RHOT1: variants seen among roughly 807,000 people sequenced by gnomAD.
The protein encoded by RHOT1 is mitochondrial Rho GTPase 1.
Under a neutral mutation model 95.3 loss-of-function variants are expected in RHOT1, and 27 were observed. That is an observed-to-expected ratio of 0.28 (90% CI 0.21 to 0.39). The LOEUF is 0.39. Among genes scored for constraint, RHOT1 ranks in the 10% least tolerant of loss-of-function variants. The pLI is 1.00. For missense variants in RHOT1, 578 were observed against 786.7 expected (o/e 0.73, Z 3.17); for synonymous variants, 227 against 263.5 (o/e 0.86, Z 1.34).
chr17:32,201,565 CAAG>C (rs1238751823), intron 14 of RHOT1, among the ~76,000 whole-genome samples: 1 of 152,158 alleles, frequency 6.6e-6, no homozygotes, highest in Non-Finnish European at 1.5e-5. Flanking sequence ...AGCCCTAGCA[CAAG>C]AAGACAGCCT....
At chr17:32,173,539 C>T (rs1277970056) in intron 2 of RHOT1, among the ~76,000 whole-genome samples, 1 of 151,876 alleles carries the variant, frequency 6.6e-6, no homozygotes. Flanking sequence ...ATGGTGAAAT[C>T]GTGTCTCTAC....
At chr17:32,207,983 T>C (rs867800836) in intron 17 of RHOT1, 124 bp from the exon 18 acceptor site, 19 of 771,306 alleles carry the variant, frequency 2.5e-5, no homozygotes, top group Middle Eastern at 7.5e-4. Context: ...TGCCTTTTGG[T>C]TCACTTTTTC....
chr17:32,182,192 C>T (rs1567688458), intron 6 of RHOT1, among the ~76,000 whole-genome samples: 1 of 152,072 alleles, frequency 6.6e-6, no homozygotes, highest in Non-Finnish European at 1.5e-5. Flanking sequence ...CTGTTTTTCA[C>T]TATTGGAATG....
intron 18 of RHOT1, chr17:32,208,906 A>G (rs934899618): frequency 6.5e-6 from 1 of 154,848 alleles, no homozygotes; most frequent in African/African-American, 2.4e-5. Flanking sequence ...AACTGTGGTC[A>G]TCTCTGTAGT....
chr17:32,203,269 C>CTTCTTTTT (rs1485362280), intron 15 of RHOT1, among the ~76,000 whole-genome samples: 3 of 72,328 alleles, frequency 4.1e-5, no homozygotes, highest in African/African-American at 1.8e-4. Context: ...TCTTCTTCTT[C>CTTCTTTTT]TTTTTTTTTT....
intron 1 of RHOT1, among the ~76,000 whole-genome samples, chr17:32,149,625 A>ATGTGTG (rs1454201227): frequency 3.1e-4 from 27 of 88,326 alleles, no homozygotes; most frequent in South Asian, 2.2e-3. Context: ...ATATATATAT[A>ATGTGTG]TATATATATA....
At chr17:32,222,930 T>C (rs184687883) in intron 19 of RHOT1, 1 of 970,640 alleles carries the variant, frequency 1.0e-6, no homozygotes, top group Admixed American at 6.1e-5. Flanking sequence ...TTGGCCTCGT[T>C]GGAGTTTTTC....
chr17:32,216,569 C>G (rs2038489204), intron 19 of RHOT1, among the ~76,000 whole-genome samples: 1 of 152,048 alleles, frequency 6.6e-6, no homozygotes, highest in African/African-American at 2.4e-5. Context: ...ATTTTTTACC[C>G]TATTTATAAT....
chr17:32,201,500 A>G (rs1484278976), intron 14 of RHOT1, among the ~76,000 whole-genome samples: 2 of 152,230 alleles, frequency 1.3e-5, no homozygotes, highest in South Asian at 2.1e-4. Flanking sequence ...GGAACTGATC[A>G]TTTCAAGAGT....
chr17:32,175,308 G>A lies in RHOT1; in HGVS notation c.179-11G>A. Reference sequence around the variant, plus strand: ...CTGCAATATGAAACATTGACTTCCTGTCATTTGTAGAAGCAGAACAGAGTG... The same window carrying A: ...CTGCAATATGAAACATTGACTTCCTATCATTTGTAGAAGCAGAACAGAGTG... On this transcript the variant is annotated splice_polypyrimidine_tract_variant and intron_variant, in intron 3 of 19. Coordinates refer to ENST00000545287, the MANE Select transcript of RHOT1 (RefSeq NM_001033566.3). The A allele has an allele frequency of 6.2e-7, 1 of 1,612,230 alleles. No individual in the cohort carries two copies. Among genetic ancestry groups the A allele is most frequent in the Non-Finnish European group, 8.5e-7 (1 of 1,178,450 alleles).
intron 6 of RHOT1, among the ~76,000 whole-genome samples, chr17:32,176,738 A>G (rs565880077): frequency 1.3e-5 from 2 of 151,764 alleles, no homozygotes; most frequent in South Asian, 4.2e-4. Context: ...ATGCCTGGCT[A>G]ATTTTCGTAT....
intron 7 of RHOT1, 38 bp downstream of exon 7, chr17:32,182,903 T>A (rs779976122): frequency 7.7e-7 from 1 of 1,302,844 alleles, no homozygotes; most frequent in Non-Finnish European, 1.1e-6. Flanking sequence ...TTATTTTTAA[T>A]GAATTCTTAC....
At chr17:32,201,162 T>A (rs1598427339) in intron 14 of RHOT1, 106 bp downstream of exon 14, 1 of 608,284 alleles carries the variant, frequency 1.6e-6, no homozygotes, top group Non-Finnish European at 2.8e-6. Context: ...TAGTCTTCCA[T>A]CTACACTCTA....
chr17:32,168,156 A>G (rs1006074202), intron 1 of RHOT1, among the ~76,000 whole-genome samples: 3 of 152,166 alleles, frequency 2.0e-5, no homozygotes, highest in East Asian at 1.9e-4. Context: ...CTCACTGACA[A>G]TACACCTGGT....
Position 32,194,070 on chromosome 17 carries a change from G to C in RHOT1, c.832G>C (p.Asp278His). 1 of 1,614,132 alleles carries C rather than the reference G, an allele frequency of 6.2e-7. No individual in the cohort carries two copies. Residue 278 changes from aspartate to histidine, a missense_variant, in exon 11 of 20, where the codon GAT (aspartate) becomes CAT (histidine). Physicochemically the swap from Asp to His is moderately conservative, Grantham distance 81. Around this residue, in one of 4 missense-constraint regions of RHOT1, gnomAD observed 227 missense variants for 316.0 expected, o/e 0.72. Transcript: ENST00000545287. ...TGTGCTTCGACGATTTGGTTATGATGATGACCTGGATTTGACACCTGAATA... is the reference window on the plus strand; with the variant it reads ...TGTGCTTCGACGATTTGGTTATGATCATGACCTGGATTTGACACCTGAATA... ...WTVLRRFGYD[D>H]DLDLTPEYLF...
intron 8 of RHOT1, among the ~76,000 whole-genome samples, chr17:32,189,558 C>T (rs1251508763): frequency 6.6e-6 from 1 of 152,060 alleles, no homozygotes. Context: ...CATCCCCACC[C>T]CCATCCCACA....
At chr17:32,208,642 A>C (rs2037920939) in intron 18 of RHOT1, 1 of 196,220 alleles carries the variant, frequency 5.1e-6, no homozygotes, top group Non-Finnish European at 1.1e-5. Flanking sequence ...TTATGCTTAT[A>C]AAGCATTTTC....
intron 12 of RHOT1, among the ~76,000 whole-genome samples, 178 bp from the exon 13 acceptor site, chr17:32,199,227 A>G (rs527547971): frequency 6.6e-6 from 1 of 152,306 alleles, no homozygotes; most frequent in Admixed American, 6.5e-5. Flanking sequence ...CTAATTTCTA[A>G]TAGACTCTCT....
intron 13 of RHOT1, 55 bp from the exon 14 acceptor site, chr17:32,200,901 C>T (rs2142839194): frequency 1.5e-6 from 2 of 1,308,876 alleles, no homozygotes; most frequent in Non-Finnish European, 2.2e-6. Context: ...GCTTTTTTTT[C>T]CCCATAAATA....
Sources: gnomAD v4.1 joint callset for allele counts (sites outside exome capture counted in the v4.1 genomes callset) on GRCh38, gnomAD v4.1.1 for gene constraint, gnomAD v4.1.1 regional missense constraint, MANE v1.5 for transcripts, NCBI Gene and HGNC (gene_info 2026-07-23, HGNC 2026-07-21) for gene names.